The following DPP6 variants were observed in gnomAD, a reference collection of about 807,000 sequenced individuals.
The protein encoded by DPP6 is A-type potassium channel modulatory protein DPP6.
In DPP6, 69 loss-of-function variants were observed where a neutral mutation model predicts 122.6. The observed-to-expected ratio is 0.56, with a 90% confidence interval of 0.46 to 0.69. The LOEUF (loss-of-function observed/expected upper bound fraction) is 0.69, where lower values mean the gene tolerates loss of function less well. Among genes scored for constraint, DPP6 ranks in the 30% least tolerant of loss-of-function variants. The probability of loss-of-function intolerance (pLI) is 0.00; values close to 1 mark genes in which losing one functional copy is unlikely to be tolerated. For missense variants in DPP6, 928 were observed against 1,116.9 expected (o/e 0.83, Z 2.41); for synonymous variants, 418 against 433.1 (o/e 0.97, Z 0.43).
intron 1 of DPP6, among the ~76,000 whole-genome samples, chr7:154,177,853 G>A (rs1031683223): frequency 1.3e-5 from 2 of 152,188 alleles, no homozygotes; most frequent in South Asian, 2.1e-4. Context: ...TAAACGCTTC[G>A]TATAACCCAT....
chr7:154,882,811 A>C (rs1805505194), intron 21 of DPP6, among the ~76,000 whole-genome samples: 2 of 152,208 alleles, frequency 1.3e-5, no homozygotes, highest in South Asian at 2.1e-4. Context: ...AATAAATATT[A>C]TTTGTCAGAA....
intron 1 of DPP6, among the ~76,000 whole-genome samples, chr7:153,949,506 C>A (rs376966130): frequency 6.6e-6 from 1 of 152,134 alleles, no homozygotes; most frequent in Non-Finnish European, 1.5e-5. Context: ...GTGCCTCATG[C>A]GTCTTAGGGA....
At chr7:154,707,236 G>A (rs531555541) in intron 7 of DPP6, among the ~76,000 whole-genome samples, 76 of 152,294 alleles carry the variant, frequency 5.0e-4, no homozygotes, top group African/African-American at 1.8e-3. Flanking sequence ...ACCTTTGAAA[G>A]TGTTTTATAA....
At chr7:153,988,280 C>T (rs1438030392) in intron 1 of DPP6, among the ~76,000 whole-genome samples, 2 of 152,060 alleles carry the variant, frequency 1.3e-5, no homozygotes, top group South Asian at 2.1e-4. Flanking sequence ...TGGACCAGTC[C>T]GCGGAGCTCC....
intron 7 of DPP6, among the ~76,000 whole-genome samples, chr7:154,672,836 T>G (rs1048261238): frequency 1.3e-5 from 2 of 152,200 alleles, no homozygotes; most frequent in African/African-American, 2.4e-5. Context: ...TGCAAACAGA[T>G]AGTTTCTAGC....
chr7:154,311,891 C>T (rs1235486355), intron 1 of DPP6, among the ~76,000 whole-genome samples: 1 of 152,146 alleles, frequency 6.6e-6, no homozygotes, highest in Non-Finnish European at 1.5e-5. Flanking sequence ...ATTCATTAAA[C>T]AAAAAGTGTA....
intron 1 of DPP6, among the ~76,000 whole-genome samples, chr7:154,266,525 G>A (rs1226648400): frequency 6.6e-6 from 1 of 152,214 alleles, no homozygotes; most frequent in Non-Finnish European, 1.5e-5. Context: ...GTTGCAGTGA[G>A]TGGAGATTAA....
At chr7:154,130,626 TTG>T (rs1360820301) in intron 1 of DPP6, among the ~76,000 whole-genome samples, 10 of 152,134 alleles carry the variant, frequency 6.6e-5, no homozygotes, top group Non-Finnish European at 1.3e-4. Context: ...TTGCACATCA[TTG>T]TGTTTTACCT....
At chr7:154,511,345 C>T (rs1297553869) in intron 3 of DPP6, among the ~76,000 whole-genome samples, 2 of 152,102 alleles carry the variant, frequency 1.3e-5, no homozygotes, top group Non-Finnish European at 2.9e-5. Context: ...CTTAGTCATG[C>T]CTGTAGACAG....
At chr7:154,616,608 G>A (rs1834277442) in intron 5 of DPP6, among the ~76,000 whole-genome samples, 1 of 152,130 alleles carries the variant, frequency 6.6e-6, no homozygotes, top group African/African-American at 2.4e-5. Flanking sequence ...ATCCCCAAGG[G>A]GGTCACCAGA....
chr7:154,356,154 T>C (rs1811251851), intron 1 of DPP6, among the ~76,000 whole-genome samples: 2 of 152,340 alleles, frequency 1.3e-5, no homozygotes, highest in Admixed American at 6.5e-5. Context: ...TTCTATTCTG[T>C]TCATTTTCTG....
At chr7:154,591,115 G>C (rs987480292) in intron 5 of DPP6, among the ~76,000 whole-genome samples, 1 of 152,208 alleles carries the variant, frequency 6.6e-6, no homozygotes, top group Admixed American at 6.5e-5. Flanking sequence ...TGAGGTTATA[G>C]ACCGGTGGTG....
the DPP6 span, among the ~76,000 whole-genome samples, chr7:153,795,997 C>T: frequency 6.7e-6 from 1 of 149,270 alleles, no homozygotes; most frequent in African/African-American, 2.5e-5. Context: ...TGACTTTAAC[C>T]CTTTTAAATT....
chr7:154,074,220 A>G (rs907090097), intron 1 of DPP6, among the ~76,000 whole-genome samples: 1 of 151,994 alleles, frequency 6.6e-6, no homozygotes, highest in African/African-American at 2.4e-5. Flanking sequence ...GGTGCATGTC[A>G]TAACCTTCGG....
At chr7:153,914,593 T>C (rs1800227166) in intron 1 of DPP6, among the ~76,000 whole-genome samples, 1 of 152,240 alleles carries the variant, frequency 6.6e-6, no homozygotes, top group African/African-American at 2.4e-5. Context: ...TTTAGAGTTG[T>C]GCTACCATCA....
At chr7:154,490,556 C>T (rs1824192113) in intron 3 of DPP6, among the ~76,000 whole-genome samples, 1 of 152,210 alleles carries the variant, frequency 6.6e-6, no homozygotes, top group Admixed American at 6.5e-5. Flanking sequence ...CTTATTTTTG[C>T]TGTTAGCTTC....
At chr7:154,239,054 G>T (rs533030798) in intron 1 of DPP6, among the ~76,000 whole-genome samples, 35 of 152,232 alleles carry the variant, frequency 2.3e-4, no homozygotes, top group Non-Finnish European at 3.7e-4. Context: ...TAAAGGAAAT[G>T]CATGTGGAGG....
chr7:154,562,250 G>A (rs1464994820), intron 4 of DPP6, among the ~76,000 whole-genome samples: 1 of 152,050 alleles, frequency 6.6e-6, no homozygotes, highest in African/African-American at 2.4e-5. Context: ...ATACATCACG[G>A]TCGAATAGCT....
At chr7:154,610,886 T>G (rs1444164367) in intron 5 of DPP6, among the ~76,000 whole-genome samples, 1 of 152,198 alleles carries the variant, frequency 6.6e-6, no homozygotes, top group Non-Finnish European at 1.5e-5. Context: ...GTGCTAGACT[T>G]TGGCTTATTG....
Sources: gnomAD v4.1 joint callset for allele counts (sites outside exome capture counted in the v4.1 genomes callset) on GRCh38, gnomAD v4.1.1 for gene constraint, MANE v1.5 for transcripts, NCBI Gene and HGNC (gene_info 2026-07-23, HGNC 2026-07-21) for gene names.